The following TYR variants were observed in gnomAD, a reference collection of about 807,000 sequenced individuals.
TYR encodes the protein tyrosinase.
TYR carries 58 observed loss-of-function variants against 51.5 expected under a neutral mutation model. That is an observed-to-expected ratio of 1.13 (90% confidence interval 0.91 to 1.40). The LOEUF (loss-of-function observed/expected upper bound fraction) is 1.40, where lower values mean the gene tolerates loss of function less well. Among genes scored for constraint, TYR ranks in the 40% most tolerant of loss-of-function variants. The probability of loss-of-function intolerance (pLI) is 0.00; values close to 1 mark genes in which losing one functional copy is unlikely to be tolerated. For missense variants in TYR, 732 were observed against 647.4 expected, an observed-to-expected ratio of 1.13 and a Z score of -1.42; for synonymous variants, 263 against 235.2, an observed-to-expected ratio of 1.12 and a Z score of -1.08.
At chr11:89,280,520 C>T (rs894644304) in intron 3 of TYR, among the ~76,000 whole-genome samples, 2 of 151,242 alleles carry the variant, frequency 1.3e-5, no homozygotes, top group African/African-American at 4.8e-5. Flanking sequence ...TTACATTATT[C>T]ATGATTTTCT....
intron 1 of TYR, among the ~76,000 whole-genome samples, chr11:89,182,673 C>T (rs1426079927): frequency 6.6e-6 from 1 of 152,050 alleles, no homozygotes; most frequent in Non-Finnish European, 1.5e-5. Context: ...ACTCCCAAAG[C>T]TTTAAATTAG....
chr11:89,189,448 CA>C (rs34865967), intron 1 of TYR, among the ~76,000 whole-genome samples: 31,283 of 143,752 alleles, frequency 0.22, 4,501 homozygotes, highest in African/African-American at 0.43. Context: ...TACTGCACAT[CA>C]AAAAAAAAAG....
chr11:89,213,872 G>T (rs1212236771), intron 2 of TYR, among the ~76,000 whole-genome samples: 1 of 152,144 alleles, frequency 6.6e-6, no homozygotes, highest in East Asian at 1.9e-4. Context: ...ATGGTGTTGG[G>T]AAAACTGGCT....
At chr11:89,281,066 A>C (rs148811949) in intron 3 of TYR, among the ~76,000 whole-genome samples, 3,605 of 151,716 alleles carry the variant, frequency 0.024, 140 homozygotes, top group African/African-American at 0.083. Context: ...ATTCTAATTA[A>C]ATCTTAGTCC....
chr11:89,189,117 T>TG (rs1254790781), intron 1 of TYR, among the ~76,000 whole-genome samples: 1 of 152,050 alleles, frequency 6.6e-6, no homozygotes, highest in Non-Finnish European at 1.5e-5. Context: ...GCTAGACTAG[T>TG]TATAAAAGCA....
chr11:89,184,110 T>C (rs1943336012), intron 1 of TYR, among the ~76,000 whole-genome samples: 1 of 152,132 alleles, frequency 6.6e-6, no homozygotes, highest in Non-Finnish European at 1.5e-5. Flanking sequence ...CTGCCTCCTC[T>C]CCTGTATGCA....
intron 1 of TYR, among the ~76,000 whole-genome samples, chr11:89,180,333 A>G (rs369225759): frequency 6.6e-6 from 1 of 152,198 alleles, no homozygotes; most frequent in African/African-American, 2.4e-5. Flanking sequence ...AACTTGACCC[A>G]GAAAGGTTGG....
At chr11:89,199,936 C>G (rs765098957) in intron 2 of TYR, among the ~76,000 whole-genome samples, 1 of 152,146 alleles carries the variant, frequency 6.6e-6, no homozygotes, top group African/African-American at 2.4e-5. Context: ...TAATAATACA[C>G]CTTTTCTAAG....
rs1590897217 is a variant in TYR at position 89,278,470 on chromosome 11, G to T, written c.1185-6303G>T. ...ATATGAATGAATAAATAAATAAAAA[G>T]GTCTTCTATTACATATGTGTATGTA... On this transcript the variant is annotated intron_variant, in intron 3 of 4. Coordinates refer to ENST00000263321, the MANE Select transcript of TYR (RefSeq NM_000372.5). 2.0e-5 allele frequency among the ~76,000 whole-genome samples: 3 copies of T among 151,552 alleles called. No individual in the cohort carries two copies. In the East Asian group the frequency reaches 5.9e-4, roughly 30 times the overall value.
intron 2 of TYR, among the ~76,000 whole-genome samples, chr11:89,218,062 A>T (rs1206142760): frequency 6.6e-6 from 1 of 152,170 alleles, no homozygotes; most frequent in African/African-American, 2.4e-5. Context: ...ACTATTTTTC[A>T]TGTAGGTTGT....
At chr11:89,250,700 GTCCTAAAC>G (rs1275588862) in intron 3 of TYR, among the ~76,000 whole-genome samples, 1 of 151,808 alleles carries the variant, frequency 6.6e-6, no homozygotes, top group East Asian at 1.9e-4. Context: ...GTGTGTCTGT[GTCCTAAAC>G]TTCTCTTCAT....
rs1381887777 is a variant in TYR, at chr11:89,285,896, GCATTGATGTTTCATTGCATT to G, written c.1366+950_1366+969del. Among the ~76,000 whole-genome samples the G allele has an allele frequency of 3.9e-4, 59 of 151,682 alleles. 1 individual carries two copies. Among genetic ancestry groups the G allele is most frequent in the Non-Finnish European group, 8.8e-5 (6 of 67,798 alleles). ...CTTATGGGTAGGAGGTATTTAACAA[GCATTGATGTTTCATTGCATT>G]CATTGATAATGACACATAAATACAT... On this transcript the variant is annotated intron_variant, in intron 4 of 4. Transcript: ENST00000263321.
intron 3 of TYR, among the ~76,000 whole-genome samples, chr11:89,268,404 C>T (rs1221913517): frequency 3.3e-5 from 5 of 151,652 alleles, no homozygotes; most frequent in Non-Finnish European, 7.4e-5. Context: ...TTTTATTATT[C>T]TAAGAGCCTC....
At chr11:89,186,967 C>A (rs190567306) in intron 1 of TYR, among the ~76,000 whole-genome samples, 102 of 152,250 alleles carry the variant, frequency 6.7e-4, no homozygotes, top group African/African-American at 2.3e-3. Flanking sequence ...GAGGCCTCAG[C>A]AGATACCTTG....
At chr11:89,266,473 A>G (rs1357129397) in intron 3 of TYR, among the ~76,000 whole-genome samples, 1 of 151,898 alleles carries the variant, frequency 6.6e-6, no homozygotes, top group African/African-American at 2.4e-5. Context: ...TATGGGCCAT[A>G]GGTACTTAGC....
At chr11:89,180,494 C>T (rs1023308500) in intron 1 of TYR, among the ~76,000 whole-genome samples, 8 of 151,732 alleles carry the variant, frequency 5.3e-5, no homozygotes, top group Middle Eastern at 3.4e-3. Flanking sequence ...TATTAATTGT[C>T]AAGCAGAACT....
At chr11:89,213,458 A>C (rs947628926) in intron 2 of TYR, among the ~76,000 whole-genome samples, 1 of 152,236 alleles carries the variant, frequency 6.6e-6, no homozygotes, top group African/African-American at 2.4e-5. Context: ...AAATGGAAGA[A>C]GATTCAATGC....
intron 3 of TYR, among the ~76,000 whole-genome samples, chr11:89,247,314 C>G (rs1181010476): frequency 6.6e-6 from 1 of 152,142 alleles, no homozygotes; most frequent in African/African-American, 2.4e-5. Flanking sequence ...TCATTACATA[C>G]TTATTAGACT....
intron 3 of TYR, among the ~76,000 whole-genome samples, chr11:89,249,895 C>G (rs907839784): frequency 6.6e-6 from 1 of 151,916 alleles, no homozygotes; most frequent in Non-Finnish European, 1.5e-5. Context: ...GGAGCCTTTG[C>G]CATGAGTTGG....
Sources: gnomAD v4.1 joint callset for allele counts (sites outside exome capture counted in the v4.1 genomes callset) on GRCh38, gnomAD v4.1.1 for gene constraint, MANE v1.5 for transcripts, NCBI Gene and HGNC (gene_info 2026-07-23, HGNC 2026-07-21) for gene names.